The following STAG1 variants were observed in gnomAD, a reference collection of about 807,000 sequenced individuals.
STAG1 encodes cohesin subunit SA-1.
Under a neutral mutation model 170.9 loss-of-function variants are expected in STAG1, and 26 were observed. The ratio of observed to expected loss-of-function variants is 0.15; its 90% CI spans 0.11 to 0.21. The LOEUF (loss-of-function observed/expected upper bound fraction) is 0.21. STAG1 is among the 10% of genes least tolerant of loss of function. The pLI is 1.00. For synonymous variants in STAG1, 514 were observed against 497.7 expected (o/e 1.03, Z -0.44); for missense variants, 964 against 1,509.5 (o/e 0.64, Z 5.99).
At chr3:136,659,521 AC>A (rs1258521135) in intron 1 of STAG1, among the ~76,000 whole-genome samples, 1 of 152,216 alleles carries the variant, frequency 6.6e-6, no homozygotes, top group Non-Finnish European at 1.5e-5. Context: ...AAAAGCTTTC[AC>A]AGAGAGGATA....
chr3:136,511,350 T>C (rs1390525911), intron 7 of STAG1, among the ~76,000 whole-genome samples: 1 of 152,198 alleles, frequency 6.6e-6, no homozygotes, highest in African/African-American at 2.4e-5. Context: ...TGGATGCACA[T>C]GTTCACTGCA....
intron 1 of STAG1, among the ~76,000 whole-genome samples, chr3:136,680,380 A>C (rs1419943258): frequency 6.6e-6 from 1 of 152,212 alleles, no homozygotes; most frequent in African/African-American, 2.4e-5. Flanking sequence ...TTTTTTAAAA[A>C]TCTTCACATA....
At chr3:136,441,935 C>T (rs1468210581) in intron 15 of STAG1, among the ~76,000 whole-genome samples, 3 of 152,102 alleles carry the variant, frequency 2.0e-5, no homozygotes, top group Non-Finnish European at 2.9e-5. Context: ...CGGTGGCTCA[C>T]GCCTGTAATT....
intron 9 of STAG1, 149 bp from the exon 10 acceptor site, chr3:136,477,561 C>A: frequency 1.6e-6 from 1 of 641,158 alleles, no homozygotes; most frequent in South Asian, 3.5e-5. Context: ...TTCTGTTTTT[C>A]ATGTTTTCTA....
intron 4 of STAG1, among the ~76,000 whole-genome samples, chr3:136,572,474 T>G (rs1474107741): frequency 6.6e-6 from 1 of 151,606 alleles, no homozygotes; most frequent in East Asian, 1.9e-4. Flanking sequence ...ACACCTGTGG[T>G]CCCAGCTACT....
chr3:136,470,090 C>G (rs1040954416), intron 12 of STAG1, among the ~76,000 whole-genome samples: 1 of 152,180 alleles, frequency 6.6e-6, no homozygotes, highest in South Asian at 2.1e-4. Flanking sequence ...GACTTCATGT[C>G]TAAAACACCA....
intron 1 of STAG1, among the ~76,000 whole-genome samples, chr3:136,644,849 T>C (rs530025917): frequency 1.1e-4 from 16 of 152,286 alleles, no homozygotes; most frequent in East Asian, 7.7e-4. Flanking sequence ...GCCTCCCCAG[T>C]AGCTGGGACT....
At position 136,336,946 on chromosome 3, in the gene STAG1, A is replaced by G. The variant is rs1298218381; in HGVS notation, c.*1308T>C. 1 of 54,386 alleles carries G rather than the reference A, an allele frequency of 1.8e-5. No homozygotes were observed. The highest frequency in any genetic ancestry group is 3.4e-5 in the Non-Finnish European group (1 of 29,238). 3.4% of individuals were successfully genotyped at this position (54,386 alleles called of 1,614,324 possible). A position where few individuals can be genotyped will look rare whatever the true frequency, so the allele number is the denominator to read the frequency against. On this transcript the variant is annotated 3_prime_UTR_variant, in exon 34 of 34. Coordinates refer to ENST00000383202, the MANE Select transcript of STAG1 (RefSeq NM_005862.3). ...GTTTGGAAATTCTGAGGCTTACTTTAGAAATCAGAAAGGAAGAGAGAGACT... is the reference window on the plus strand; with the variant it reads ...GTTTGGAAATTCTGAGGCTTACTTTGGAAATCAGAAAGGAAGAGAGAGACT...
chr3:136,442,345 T>C (rs896908222), intron 15 of STAG1, among the ~76,000 whole-genome samples: 2 of 152,230 alleles, frequency 1.3e-5, no homozygotes, highest in African/African-American at 4.8e-5. Context: ...GTGGGCTAGT[T>C]TGAAAACGTA....
intron 5 of STAG1, among the ~76,000 whole-genome samples, chr3:136,544,007 C>T (rs1344110472): frequency 6.6e-6 from 1 of 152,112 alleles, no homozygotes; most frequent in African/African-American, 2.4e-5. Flanking sequence ...GATTCAAATA[C>T]TGTTTCAAGA....
At chr3:136,339,939 A>G (rs1172233030) in intron 32 of STAG1, among the ~76,000 whole-genome samples, 1 of 152,242 alleles carries the variant, frequency 6.6e-6, no homozygotes, top group Non-Finnish European at 1.5e-5. Context: ...ACAAGAGGCC[A>G]GATACACAGT....
chr3:136,532,962 A>G (rs561191317), intron 6 of STAG1, among the ~76,000 whole-genome samples: 1 of 152,324 alleles, frequency 6.6e-6, no homozygotes, highest in Non-Finnish European at 1.5e-5. Context: ...AAATTGGAAA[A>G]GAGGAAGTCA....
chr3:136,395,575 T>G (rs1272573026), intron 22 of STAG1, among the ~76,000 whole-genome samples: 1 of 152,018 alleles, frequency 6.6e-6, no homozygotes, highest in Non-Finnish European at 1.5e-5. Context: ...GAGTCAAGAT[T>G]GCACCACTGC....
intron 1 of STAG1, among the ~76,000 whole-genome samples, chr3:136,692,313 C>CAAAA (rs71157399): frequency 0.026 from 1,194 of 46,202 alleles, 271 homozygotes; most frequent in African/African-American, 0.11. Flanking sequence ...GACTCCATCT[C>CAAAA]AAAAAAAAAA....
At chr3:136,725,279 G>GTGTGT (rs149175839) in intron 1 of STAG1, among the ~76,000 whole-genome samples, 1 of 150,790 alleles carries the variant, frequency 6.6e-6, no homozygotes, top group African/African-American at 2.4e-5. Flanking sequence ...AAATTATACG[G>GTGTGT]GTGTGTGTGT....
chr3:136,463,768 T>TGTGTAC (rs755853025), intron 13 of STAG1, among the ~76,000 whole-genome samples: 173 of 38,576 alleles, frequency 4.5e-3, no homozygotes, highest in African/African-American at 0.021. Context: ...TGTGTGTGTG[T>TGTGTAC]ATACACACAC....
chr3:136,410,908 A>G (rs1476627064), intron 21 of STAG1, among the ~76,000 whole-genome samples: 2 of 152,226 alleles, frequency 1.3e-5, no homozygotes, highest in Non-Finnish European at 2.9e-5. Context: ...TACAAAAATT[A>G]GCTGGGCACG....
chr3:136,706,617 T>C (rs564865664), intron 1 of STAG1, among the ~76,000 whole-genome samples: 7 of 152,330 alleles, frequency 4.6e-5, no homozygotes, highest in African/African-American at 1.7e-4. Context: ...TCATTTAATA[T>C]TGTTAAAATG....
At chr3:136,354,754 C>CAAAAAAAAAAAAAAAAAAAA in intron 28 of STAG1, among the ~76,000 whole-genome samples, 4 of 6,510 alleles carry the variant, frequency 6.1e-4, no homozygotes, top group African/African-American at 2.2e-3. Flanking sequence ...GAGAAAGAAC[C>CAAAAAAAAAAAAAAAAAAAA]AAAAAAAAAA....
Sources: gnomAD v4.1 joint callset for allele counts (sites outside exome capture counted in the v4.1 genomes callset) on GRCh38, gnomAD v4.1.1 for gene constraint, MANE v1.5 for transcripts, NCBI Gene and HGNC (gene_info 2026-07-23, HGNC 2026-07-21) for gene names.